The following EXOC4 variants were observed in gnomAD, a reference collection of about 807,000 sequenced individuals.
EXOC4 encodes SEC8-like 1.
EXOC4 carries 71 observed loss-of-function variants against 107.2 expected under a neutral mutation model. That is an observed-to-expected ratio of 0.66 (90% CI 0.55 to 0.81). The LOEUF is 0.81. EXOC4 is among the 30% of genes least tolerant of loss of function. The pLI, the probability that EXOC4 is intolerant of heterozygous loss-of-function variation, is 0.00. For missense variants in EXOC4, 1,108 were observed against 1,189.6 expected (o/e 0.93, Z 1.01); for synonymous variants, 456 against 441.2 (o/e 1.03, Z -0.42).
At chr7:133,631,931 T>C (rs574810447) in intron 10 of EXOC4, among the ~76,000 whole-genome samples, 23 of 152,238 alleles carry the variant, frequency 1.5e-4, no homozygotes, top group South Asian at 4.1e-4. Flanking sequence ...GTTGGAACTC[T>C]TGTGCTTACA....
intron 7 of EXOC4, among the ~76,000 whole-genome samples, chr7:133,427,810 T>A (rs1168964755): frequency 6.6e-6 from 1 of 152,234 alleles, no homozygotes; most frequent in Non-Finnish European, 1.5e-5. Context: ...ACTTTGGGTA[T>A]TCCATTGTTC....
At chr7:133,825,885 C>G (rs1797691426) in intron 11 of EXOC4, among the ~76,000 whole-genome samples, 1 of 152,100 alleles carries the variant, frequency 6.6e-6, no homozygotes, top group African/African-American at 2.4e-5. Flanking sequence ...TGCTAATGGT[C>G]TCACTGTGCT....
chr7:133,832,583 C>A (rs756788728), intron 11 of EXOC4, among the ~76,000 whole-genome samples: 1 of 152,208 alleles, frequency 6.6e-6, no homozygotes, highest in Admixed American at 6.5e-5. Flanking sequence ...TGGCTTCTTA[C>A]ACTCAGCAAT....
At chr7:133,697,393 A>G (rs1794559444) in intron 10 of EXOC4, among the ~76,000 whole-genome samples, 2 of 152,316 alleles carry the variant, frequency 1.3e-5, no homozygotes, top group Non-Finnish European at 2.9e-5. Context: ...TGTAAAGTAA[A>G]TGTTATTATT....
chr7:133,690,246 A>T (rs1392648783), intron 10 of EXOC4, among the ~76,000 whole-genome samples: 1 of 152,254 alleles, frequency 6.6e-6, no homozygotes, highest in East Asian at 1.9e-4. Flanking sequence ...TTTATTTAAC[A>T]GTCTTTGTCA....
intron 17 of EXOC4, among the ~76,000 whole-genome samples, chr7:134,050,497 TA>T (rs144795002): frequency 0.21 from 31,093 of 146,662 alleles, 3,391 homozygotes; most frequent in African/African-American, 0.29. Context: ...AGTTTTTTTT[TA>T]AAAAAGATAT....
At chr7:133,290,526 T>G (rs1794380619) in intron 3 of EXOC4, among the ~76,000 whole-genome samples, 1 of 152,232 alleles carries the variant, frequency 6.6e-6, no homozygotes, top group African/African-American at 2.4e-5. Flanking sequence ...AAGTATACAT[T>G]TGTGTAGCAA....
At chr7:133,369,290 C>G (rs1185562211) in intron 6 of EXOC4, among the ~76,000 whole-genome samples, 1 of 151,966 alleles carries the variant, frequency 6.6e-6, no homozygotes, top group Non-Finnish European at 1.5e-5. Flanking sequence ...CTTCCTTTCT[C>G]CTTTTCTTTT....
chr7:133,987,485 C>T (rs972633722), intron 14 of EXOC4, among the ~76,000 whole-genome samples: 1 of 150,374 alleles, frequency 6.7e-6, no homozygotes, highest in Non-Finnish European at 1.5e-5. Flanking sequence ...AGGAGGGAAG[C>T]GGGGAGGGAG....
chr7:133,311,530 A>C (rs898060026), intron 4 of EXOC4, among the ~76,000 whole-genome samples: 6 of 152,190 alleles, frequency 3.9e-5, no homozygotes, highest in Admixed American at 3.9e-4. Flanking sequence ...TCTTATGTAC[A>C]AATGATTCAG....
chr7:133,637,478 G>A (rs1464915780), intron 10 of EXOC4, among the ~76,000 whole-genome samples: 1 of 152,146 alleles, frequency 6.6e-6, no homozygotes, highest in Non-Finnish European at 1.5e-5. Flanking sequence ...TGTTCTTAAT[G>A]AGCTAAAGCC....
At chr7:133,591,370 T>G (rs1317859273) in intron 9 of EXOC4, among the ~76,000 whole-genome samples, 1 of 152,164 alleles carries the variant, frequency 6.6e-6, no homozygotes, top group Admixed American at 6.5e-5. Flanking sequence ...GCCTCAATTT[T>G]AACAGAATTC....
At chr7:133,443,421 A>G (rs1209540326) in intron 7 of EXOC4, among the ~76,000 whole-genome samples, 1 of 152,110 alleles carries the variant, frequency 6.6e-6, no homozygotes, top group South Asian at 2.1e-4. Context: ...ATAGCCTTGG[A>G]TGGAGTCAGA....
At chr7:133,678,603 C>CT (rs1794115966) in intron 10 of EXOC4, among the ~76,000 whole-genome samples, 1 of 151,432 alleles carries the variant, frequency 6.6e-6, no homozygotes, top group African/African-American at 2.4e-5. Context: ...TGCTCCCACC[C>CT]TCTTTTTTTT....
chr7:133,377,337 G>C (rs1796512365), intron 7 of EXOC4, among the ~76,000 whole-genome samples: 1 of 152,146 alleles, frequency 6.6e-6, no homozygotes, highest in South Asian at 2.1e-4. Flanking sequence ...CTGGGTGACA[G>C]TGTGAGACTC....
chr7:133,639,421 C>T (rs912962521), intron 10 of EXOC4, among the ~76,000 whole-genome samples: 20 of 152,022 alleles, frequency 1.3e-4, no homozygotes, highest in Admixed American at 3.9e-4. Flanking sequence ...AAAAATGTGT[C>T]ATACTGCCTG....
rs140474086 is a variant in EXOC4, at chr7:134,051,565, C to T, written c.2688-12726C>T. Among the ~76,000 whole-genome samples, 353 of 151,382 alleles carry T rather than the reference C, an allele frequency of 2.3e-3. 1 individual carries two copies. The highest frequency in any genetic ancestry group is 8.0e-3 in the African/African-American group (330 of 41,250). On this transcript the variant is annotated intron_variant, in intron 17 of 17. Transcript: ENST00000253861. ...CACATGCCTGTAATCCCAGCTACTC[C>T]GGAGGCTGAGGCAGAGAATTGCTTA...
intron 5 of EXOC4, among the ~76,000 whole-genome samples, chr7:133,322,681 G>T (rs1272949841): frequency 1.3e-5 from 2 of 152,118 alleles, no homozygotes; most frequent in Non-Finnish European, 1.5e-5. Context: ...TGTTTGCTTA[G>T]GATTATCTTG....
At chr7:133,554,072 A>G (rs146161902) in intron 9 of EXOC4, among the ~76,000 whole-genome samples, 70 of 152,128 alleles carry the variant, frequency 4.6e-4, no homozygotes, top group African/African-American at 1.6e-3. Context: ...TACATTGAAA[A>G]ACCTCACAGT....
Sources: allele counts gnomAD v4.1 joint callset (sites outside exome capture counted in the v4.1 genomes callset), GRCh38; gene constraint gnomAD v4.1.1; transcripts MANE v1.5; gene names NCBI Gene and HGNC (gene_info 2026-07-23, HGNC 2026-07-21).